The following SRBD1 variants were observed in gnomAD, a reference collection of about 807,000 sequenced individuals.
SRBD1 encodes the protein S1 RNA-binding domain-containing protein 1.
In SRBD1, 88 loss-of-function variants were observed where a neutral mutation model predicts 115.3. The observed-to-expected ratio is 0.76, with a 90% CI of 0.64 to 0.91. The LOEUF (loss-of-function observed/expected upper bound fraction) is 0.91, where lower values mean the gene tolerates loss of function less well. Ranked by LOEUF, SRBD1 falls within the 40% of genes least tolerant of loss-of-function variation. The probability of loss-of-function intolerance (pLI) is 0.00; values close to 1 mark genes in which losing one functional copy is unlikely to be tolerated. For missense variants in SRBD1, 1,385 were observed against 1,177.4 expected (o/e 1.18, Z -2.58); for synonymous variants, 509 against 407.7 (o/e 1.25, Z -2.99).
chr2:45,489,172 ACAT>A (rs1478149500), intron 14 of SRBD1, among the ~76,000 whole-genome samples: 1 of 152,234 alleles, frequency 6.6e-6, no homozygotes, highest in Non-Finnish European at 1.5e-5. Flanking sequence ...AGGCAAAGAA[ACAT>A]CATCTACTCT....
At chr2:45,555,376 C>G (rs1486861926) in intron 10 of SRBD1, among the ~76,000 whole-genome samples, 1 of 151,828 alleles carries the variant, frequency 6.6e-6, no homozygotes, top group Admixed American at 6.6e-5. Context: ...GAGACCCTTT[C>G]TTAAAAACAA....
chr2:45,413,173 C>CTT lies in SRBD1; in HGVS notation c.2453_2454insAA (p.Lys819ArgfsTer18). Reference sequence around the variant, plus strand: ...AAGTTTGGTCCAAAGGATTTGGCTTCAGTAAAACATTCACTGCAGTTTTGC... The same window carrying CTT: ...AAGTTTGGTCCAAAGGATTTGGCTTCTTAGTAAAACATTCACTGCAGTTTTGC... On this transcript the variant is annotated frameshift_variant, in exon 19 of 21. Transcript: ENST00000263736. LOFTEE classifies it high-confidence loss of function. 1 of 1,614,102 alleles carries CTT rather than the reference C, an allele frequency of 6.2e-7. No homozygotes were observed. Among genetic ancestry groups the CTT allele is most frequent in the Non-Finnish European group, 8.5e-7 (1 of 1,179,978 alleles).
chr2:45,522,100 T>C (rs1671302710), intron 14 of SRBD1, among the ~76,000 whole-genome samples: 1 of 151,754 alleles, frequency 6.6e-6, no homozygotes, highest in Non-Finnish European at 1.5e-5. Flanking sequence ...CAAGTGTACA[T>C]CAACAGACAA....
chr2:45,397,729 A>C (rs1667186528), intron 19 of SRBD1, among the ~76,000 whole-genome samples: 1 of 152,160 alleles, frequency 6.6e-6, no homozygotes, highest in Non-Finnish European at 1.5e-5. Context: ...TTGGCCTCCC[A>C]AGTAGCTGGA....
intron 10 of SRBD1, 148 bp from the exon 11 acceptor site, chr2:45,553,878 T>A: frequency 2.3e-6 from 1 of 443,148 alleles, no homozygotes; most frequent in Non-Finnish European, 4.1e-6. Context: ...AAGGCTGTGG[T>A]ATCTGAAAAT....
chr2:45,529,266 A>G (rs1308210518), intron 14 of SRBD1, among the ~76,000 whole-genome samples: 1 of 151,934 alleles, frequency 6.6e-6, no homozygotes, highest in Non-Finnish European at 1.5e-5. Context: ...ACATTTTCCC[A>G]GTAAGCAGAA....
intron 14 of SRBD1, among the ~76,000 whole-genome samples, chr2:45,494,343 TA>T (rs1396091621): frequency 6.6e-6 from 1 of 152,154 alleles, no homozygotes; most frequent in Non-Finnish European, 1.5e-5. Context: ...GAACAATTAT[TA>T]ATTGGTCAGG....
chr2:45,403,760 C>G (rs1003134069), intron 19 of SRBD1, among the ~76,000 whole-genome samples: 10 of 151,932 alleles, frequency 6.6e-5, no homozygotes, highest in African/African-American at 2.4e-4. Context: ...GTGGAGTAAC[C>G]AAGGGGTACA....
intron 16 of SRBD1, among the ~76,000 whole-genome samples, chr2:45,433,371 T>C (rs777920116): frequency 1.1e-4 from 17 of 152,112 alleles, no homozygotes; most frequent in African/African-American, 2.2e-4. Context: ...CAAAACGTCA[T>C]GCTGTATGTG....
chr2:45,480,665 G>A (rs1175499255), intron 15 of SRBD1, among the ~76,000 whole-genome samples: 4 of 152,044 alleles, frequency 2.6e-5, no homozygotes, highest in Non-Finnish European at 5.9e-5. Context: ...TGAACGTTGT[G>A]GAAATGATAA....
intron 14 of SRBD1, among the ~76,000 whole-genome samples, chr2:45,524,842 T>C (rs1671393076): frequency 6.6e-6 from 1 of 151,794 alleles, no homozygotes; most frequent in Admixed American, 6.6e-5. Flanking sequence ...ACCAAAACAA[T>C]CTGAGAAAAA....
intron 19 of SRBD1, among the ~76,000 whole-genome samples, chr2:45,395,974 G>T (rs1470878892): frequency 2.0e-5 from 3 of 152,082 alleles, no homozygotes; most frequent in African/African-American, 7.2e-5. Context: ...GTACTTTCTG[G>T]CTCAAAAGTA....
intron 7 of SRBD1, among the ~76,000 whole-genome samples, chr2:45,576,005 C>T (rs1673165577): frequency 6.6e-6 from 1 of 152,102 alleles, no homozygotes; most frequent in Non-Finnish European, 1.5e-5. Flanking sequence ...CACCAGTCTG[C>T]ACTTCTACAT....
intron 14 of SRBD1, among the ~76,000 whole-genome samples, chr2:45,545,692 ATTCTGCAGTGGATGT>A (rs1282297748): frequency 6.6e-6 from 1 of 152,142 alleles, no homozygotes; most frequent in Non-Finnish European, 1.5e-5. Context: ...AGAGGGAAAA[ATTCTGCAGTGGATGT>A]TTCAATCTGT....
chr2:45,414,842 AC>A lies in SRBD1; in HGVS notation c.2334-1550del, dbSNP rs1229433875. On this transcript the variant is annotated intron_variant, in intron 18 of 20. Transcript: ENST00000263736. ...TAGTGTGTATATAGTATGTACACAC[AC>A]ATATAGTGTGTATATAGTATGTACA... Among the ~76,000 whole-genome samples the A allele has an allele frequency of 4.4e-3, 588 of 134,178 alleles. 1 individual carries two copies. The highest frequency in any genetic ancestry group is 0.01 in the East Asian group (40 of 3,942). 88.0% of individuals were successfully genotyped at this position (134,178 alleles called of 152,430 possible).
At chr2:45,486,987 C>T (rs1025762712) in intron 15 of SRBD1, among the ~76,000 whole-genome samples, 49 of 152,110 alleles carry the variant, frequency 3.2e-4, no homozygotes, top group African/African-American at 1.1e-3. Context: ...ACAGAGATCA[C>T]GCTGAGCTGC....
At chr2:45,409,515 C>CAAAAAAAAAA (rs59849294) in intron 19 of SRBD1, among the ~76,000 whole-genome samples, 1 of 117,908 alleles carries the variant, frequency 8.5e-6, no homozygotes, top group African/African-American at 3.2e-5. Context: ...TTGCAATAGG[C>CAAAAAAAAAA]AAAAAAAAAA....
intron 15 of SRBD1, among the ~76,000 whole-genome samples, chr2:45,483,408 T>C (rs796073838): frequency 3.3e-5 from 5 of 151,636 alleles, no homozygotes; most frequent in African/African-American, 1.2e-4. Flanking sequence ...CTACTTCCTA[T>C]GGTAAAGTGA....
intron 20 of SRBD1, among the ~76,000 whole-genome samples, chr2:45,392,296 A>C (rs1021213589): frequency 3.9e-5 from 6 of 152,240 alleles, no homozygotes; most frequent in Non-Finnish European, 7.3e-5. Flanking sequence ...ACTGGTTATA[A>C]GACCAGTGAG....
Sources: allele counts gnomAD v4.1 joint callset (sites outside exome capture counted in the v4.1 genomes callset), GRCh38; gene constraint gnomAD v4.1.1; transcripts MANE v1.5; gene names NCBI Gene and HGNC (gene_info 2026-07-23, HGNC 2026-07-21).